Variants in FSTL5 observed in about 807,000 individuals in gnomAD.
FSTL5 encodes the protein follistatin-related protein 5.
Under a neutral mutation model 89.1 loss-of-function variants are expected in FSTL5, and 62 were observed. The observed-to-expected ratio is 0.70, with a 90% CI of 0.57 to 0.86. FSTL5 has a LOEUF of 0.86. Ranked by LOEUF, FSTL5 falls within the 40% of genes least tolerant of loss-of-function variation. The probability of loss-of-function intolerance (pLI) is 0.00; values close to 1 mark genes in which losing one functional copy is unlikely to be tolerated. For synonymous variants in FSTL5, 383 were observed against 346.2 expected (o/e 1.11, Z -1.18); for missense variants, 1,057 against 1,001.6 (o/e 1.06, Z -0.75).
intron 3 of FSTL5, among the ~76,000 whole-genome samples, chr4:162,015,612 T>A (rs1011507365): frequency 2.6e-5 from 4 of 152,178 alleles, no homozygotes; most frequent in Non-Finnish European, 5.9e-5. Context: ...CCCTTCCTTA[T>A]GATGGATGAA....
intron 15 of FSTL5, among the ~76,000 whole-genome samples, chr4:161,427,197 A>T (rs959059758): frequency 1.3e-5 from 2 of 152,180 alleles, no homozygotes; most frequent in African/African-American, 4.8e-5. Context: ...AGTATAATTA[A>T]ATTTATTTTA....
intron 4 of FSTL5, among the ~76,000 whole-genome samples, chr4:161,840,076 A>C (rs1173031943): frequency 2.0e-5 from 3 of 152,164 alleles, no homozygotes; most frequent in Non-Finnish European, 4.4e-5. Flanking sequence ...ACTGTTGATA[A>C]TGTTGGTAGT....
At chr4:161,677,047 T>G (rs1037575215) in intron 6 of FSTL5, among the ~76,000 whole-genome samples, 9 of 152,058 alleles carry the variant, frequency 5.9e-5, no homozygotes, top group African/African-American at 1.9e-4. Context: ...CTTTCTTTCT[T>G]CATGTGCAAT....
intron 7 of FSTL5, among the ~76,000 whole-genome samples, chr4:161,619,568 C>A (rs571493597): frequency 6.6e-6 from 1 of 152,308 alleles, no homozygotes; most frequent in African/African-American, 2.4e-5. Flanking sequence ...GATATTTATG[C>A]AGCCAAAAAA....
chr4:161,464,909 A>C (rs1733700877), intron 13 of FSTL5, among the ~76,000 whole-genome samples: 1 of 152,134 alleles, frequency 6.6e-6, no homozygotes, highest in Admixed American at 6.6e-5. Flanking sequence ...TTAATGAGGT[A>C]TTTTACAGAC....
At chr4:161,958,264 A>G (rs1323110475) in intron 3 of FSTL5, among the ~76,000 whole-genome samples, 1 of 152,016 alleles carries the variant, frequency 6.6e-6, no homozygotes, top group Non-Finnish European at 1.5e-5. Context: ...AAGTTATAAT[A>G]TTTCTTTAAT....
intron 1 of FSTL5, among the ~76,000 whole-genome samples, chr4:162,131,656 G>A (rs1732305220): frequency 1.3e-5 from 2 of 152,162 alleles, no homozygotes; most frequent in South Asian, 4.1e-4. Flanking sequence ...GCTTCTCACT[G>A]AGAGAAGATT....
intron 3 of FSTL5, among the ~76,000 whole-genome samples, chr4:161,980,743 A>T (rs368304443): frequency 1.4e-5 from 2 of 141,966 alleles, no homozygotes; most frequent in South Asian, 4.7e-4. Flanking sequence ...AATGTAACTC[A>T]GTTGTACTTT....
At chr4:161,648,153 A>G (rs1029961122) in intron 7 of FSTL5, among the ~76,000 whole-genome samples, 1 of 152,194 alleles carries the variant, frequency 6.6e-6, no homozygotes. Context: ...CCAAGGCAAG[A>G]ACCTCAGGAT....
intron 15 of FSTL5, among the ~76,000 whole-genome samples, chr4:161,432,938 A>G (rs150603156): frequency 5.9e-5 from 9 of 152,158 alleles, no homozygotes; most frequent in African/African-American, 1.9e-4. Context: ...GCTGTAATAA[A>G]TAGTCTTTGA....
chr4:161,686,789 T>G (rs1737762484), intron 6 of FSTL5, among the ~76,000 whole-genome samples: 1 of 152,136 alleles, frequency 6.6e-6, no homozygotes, highest in Non-Finnish European at 1.5e-5. Context: ...AATTGTAACT[T>G]GTGTGCAATA....
At chr4:162,154,177 TTTAG>T (rs140469873) in intron 1 of FSTL5, among the ~76,000 whole-genome samples, 35,238 of 151,874 alleles carry the variant, frequency 0.23, 4,252 homozygotes, top group Non-Finnish European at 0.25. Context: ...GAATTTACCT[TTTAG>T]TTAGTTATCT....
chr4:161,695,445 GTGTGTGTGTA>G (rs1230780217), intron 6 of FSTL5, among the ~76,000 whole-genome samples: 9 of 134,788 alleles, frequency 6.7e-5, no homozygotes, highest in African/African-American at 1.8e-4. Context: ...GTGTGTGTGT[GTGTGTGTGTA>G]TATATATCAC....
rs573191310 is a variant in FSTL5 at position 161,634,969 on chromosome 4, C to T, written c.894+21359G>A. Among the ~76,000 whole-genome samples, 14 of 152,090 alleles carry T rather than the reference C, an allele frequency of 9.2e-5. 1 individual carries two copies. The highest frequency in any genetic ancestry group is 2.4e-4 in the African/African-American group (10 of 41,492). Reference sequence around the variant, plus strand: ...ATCCTTTCGCAATGTATATGTGTATCAAAATATCACATTATATGTCATAAA... The same window carrying T: ...ATCCTTTCGCAATGTATATGTGTATTAAAATATCACATTATATGTCATAAA... On this transcript the variant is annotated intron_variant, in intron 7 of 15. Transcript: ENST00000306100.
intron 5 of FSTL5, among the ~76,000 whole-genome samples, chr4:161,769,883 T>C (rs949722257): frequency 1.3e-5 from 2 of 151,564 alleles, no homozygotes; most frequent in Non-Finnish European, 3.0e-5. Context: ...GCAGGTGATA[T>C]AATCTTATAT....
At chr4:161,626,028 C>T (rs1414710859) in intron 7 of FSTL5, among the ~76,000 whole-genome samples, 1 of 152,028 alleles carries the variant, frequency 6.6e-6, no homozygotes, top group Non-Finnish European at 1.5e-5. Context: ...GAGGTTAGTT[C>T]ATGGAGTTTA....
intron 7 of FSTL5, among the ~76,000 whole-genome samples, chr4:161,608,506 T>G (rs1260772599): frequency 6.6e-6 from 1 of 152,068 alleles, no homozygotes; most frequent in East Asian, 1.9e-4. Flanking sequence ...GAAATCTTCT[T>G]TGTTAAGAAA....
chr4:161,539,559 T>C (rs1731747244), intron 9 of FSTL5, among the ~76,000 whole-genome samples: 1 of 152,190 alleles, frequency 6.6e-6, no homozygotes, highest in African/African-American at 2.4e-5. Context: ...TTTCATTTTG[T>C]TGCAACAGGC....
chr4:161,653,449 G>C (rs1217130905), intron 7 of FSTL5, among the ~76,000 whole-genome samples: 1 of 152,056 alleles, frequency 6.6e-6, no homozygotes, highest in East Asian at 1.9e-4. Context: ...TTACGTATCT[G>C]CTCCCTAACT....
Sources: allele counts gnomAD v4.1 joint callset (sites outside exome capture counted in the v4.1 genomes callset), GRCh38; gene constraint gnomAD v4.1.1; transcripts MANE v1.5; gene names NCBI Gene and HGNC (gene_info 2026-07-23, HGNC 2026-07-21).